ZBTB8OS: variants seen among roughly 807,000 people sequenced by gnomAD.
ZBTB8OS encodes tRNA splicing ligase complex subunit 1.
A neutral mutation model predicts 29.3 loss-of-function variants in ZBTB8OS; 16 were observed. The observed-to-expected ratio is 0.55, with a 90% CI of 0.37 to 0.83. The LOEUF is 0.83. ZBTB8OS is among the 40% of genes least tolerant of loss of function. The pLI is 0.00. For synonymous variants in ZBTB8OS, 70 were observed against 64.6 expected (o/e 1.08, Z -0.40); for missense variants, 160 against 196.9 (o/e 0.81, Z 1.12).
Position 32,631,953 on chromosome 1 carries a change from T to G in ZBTB8OS, c.328-74A>C, listed in dbSNP as rs1018729557. ...ATCTACTAAAAATCTTTTTGTTCTG[T>G]TTTGTTTTTTTGGACCATCTACTAA... On this transcript the variant is annotated intron_variant, in intron 4 of 6. Transcript: ENST00000468695. 3 of 837,558 alleles carry G rather than the reference T, an allele frequency of 3.6e-6. No individual in the cohort carries two copies. The African/African-American group carries it at 5.4e-5, about 15-fold the overall frequency. The allele number at this position is 837,558 out of a possible 1,614,324, so 51.9% of individuals were successfully genotyped here.
At chr1:32,626,505 A>G (rs1437446441) in intron 6 of ZBTB8OS, among the ~76,000 whole-genome samples, 2 of 152,172 alleles carry the variant, frequency 1.3e-5, no homozygotes, top group East Asian at 3.9e-4. Flanking sequence ...CTCTTTTTGT[A>G]CAGTCCCATA....
intron 5 of ZBTB8OS, 175 bp from the exon 6 acceptor site, chr1:32,627,719 G>T: frequency 1.6e-6 from 1 of 613,896 alleles, no homozygotes; most frequent in Non-Finnish European, 2.9e-6. Context: ...GGACGTGTGT[G>T]CAGTGTCATC....
At chr1:32,626,167 C>T (rs995918311) in intron 6 of ZBTB8OS, among the ~76,000 whole-genome samples, 5 of 152,106 alleles carry the variant, frequency 3.3e-5, no homozygotes, top group Non-Finnish European at 7.3e-5. Flanking sequence ...ACCACCACGC[C>T]GGGCCTATAA....
chr1:32,646,649 T>A (rs972927873), intron 1 of ZBTB8OS, among the ~76,000 whole-genome samples: 1 of 151,610 alleles, frequency 6.6e-6, no homozygotes, highest in Non-Finnish European at 1.5e-5. Context: ...AAAGTTCTAT[T>A]TTCAAATGTA....
intron 3 of ZBTB8OS, 51 bp from the exon 4 acceptor site, chr1:32,633,778 C>T (rs1169646743): frequency 6.6e-7 from 1 of 1,507,646 alleles, no homozygotes; most frequent in Non-Finnish European, 9.0e-7. Context: ...TAAAAACATA[C>T]TTGAATTTAA....
chr1:32,633,445 C>T (rs926035262), intron 4 of ZBTB8OS, 200 bp downstream of exon 4: 2 of 514,078 alleles, frequency 3.9e-6, no homozygotes, highest in Non-Finnish European at 7.0e-6. Flanking sequence ...TACATGAGAT[C>T]TAAATACGAA....
intron 1 of ZBTB8OS, 75 bp from the exon 2 acceptor site, chr1:32,634,867 T>A (rs1645836636): frequency 1.0e-6 from 1 of 989,670 alleles, no homozygotes; most frequent in South Asian, 1.3e-5. Flanking sequence ...ATAACTCTAG[T>A]CCATTATTAT....
chr1:32,645,428 G>A (rs967293007), intron 1 of ZBTB8OS, among the ~76,000 whole-genome samples: 11 of 152,152 alleles, frequency 7.2e-5, no homozygotes, highest in Non-Finnish European at 1.5e-4. Flanking sequence ...CTTGAGCCTA[G>A]GAGCTCAAGC....
In ZBTB8OS at chr1:32,621,838, A is replaced by C; in HGVS notation, c.*24T>G. On this transcript the variant is annotated 3_prime_UTR_variant, in exon 7 of 7. Transcript: ENST00000468695. ...GAGGAAAACAAAAACAGTTCTTCGT[A>C]GGAGTCTTTTATTTTTTGGTGTCTT... 1 of 1,494,442 alleles carries C rather than the reference A, an allele frequency of 6.7e-7. No homozygotes were observed. The highest frequency in any genetic ancestry group is 9.1e-7 in the Non-Finnish European group (1 of 1,096,022). 92.6% of individuals were successfully genotyped at this position (1,494,442 alleles called of 1,614,324 possible).
intron 1 of ZBTB8OS, among the ~76,000 whole-genome samples, chr1:32,645,516 G>A (rs1197806163): frequency 6.6e-6 from 1 of 152,110 alleles, no homozygotes; most frequent in Non-Finnish European, 1.5e-5. Context: ...ACAGTTTGGT[G>A]CTGCTGTCTC....
intron 1 of ZBTB8OS, among the ~76,000 whole-genome samples, chr1:32,640,266 A>AT (rs1646298191): frequency 6.6e-6 from 1 of 151,602 alleles, no homozygotes; most frequent in Admixed American, 6.6e-5. Context: ...CTGGCTAATT[A>AT]TTTTTTTGTA....
intron 5 of ZBTB8OS, 47 bp from the exon 6 acceptor site, chr1:32,627,591 T>C (rs1306270376): frequency 1.9e-6 from 3 of 1,581,782 alleles, no homozygotes; most frequent in Admixed American, 3.4e-5. Context: ...TCTCTCTTTA[T>C]ATGTTTTAAA....
Position 32,643,922 on chromosome 1 carries a change from C to A in ZBTB8OS, c.97+6511G>T, listed in dbSNP as rs149828055. Among the ~76,000 whole-genome samples, 198 of 151,714 alleles carry A rather than the reference C, an allele frequency of 1.3e-3. 2 individuals carry two copies. In the East Asian group the frequency reaches 0.028, roughly 22 times the overall value. On this transcript the variant is annotated intron_variant, in intron 1 of 6. Coordinates refer to ENST00000468695, the MANE Select transcript of ZBTB8OS (RefSeq NM_178547.5). ...CCACCTTGGCCTTGTTGTACCCAAG[C>A]GAGTTAGAAAAACGCCACACTTTGA... is the stretch of plus-strand genomic sequence containing the variant.
At chr1:32,650,035 A>T (rs1490201723) in intron 1 of ZBTB8OS, among the ~76,000 whole-genome samples, 1 of 152,186 alleles carries the variant, frequency 6.6e-6, no homozygotes, top group African/African-American at 2.4e-5. Context: ...GATCGAGGTG[A>T]AACATCAAGT....
Position 32,650,482 on chromosome 1 carries a change from TTCTTCAGTCAAATTGTAA to T in ZBTB8OS, c.30_47del (p.Asp10_Glu15del). The T allele has an allele frequency of 3.1e-6, 5 of 1,614,156 alleles. No individual in the cohort carries two copies. Among genetic ancestry groups the T allele is most frequent in the Non-Finnish European group, 4.2e-6 (5 of 1,180,020 alleles). On this transcript the variant is annotated inframe_deletion, in exon 1 of 7. Transcript: ENST00000468695. ...GATACTTGGCCTTGATCGCCTTCTG[TTCTTCAGTCAAATTGTAA>T]TCTCTAACATCTTCCTCTTCCTGCG...
chr1:32,646,457 G>C (rs1187231061), intron 1 of ZBTB8OS, among the ~76,000 whole-genome samples: 2 of 150,796 alleles, frequency 1.3e-5, no homozygotes, highest in South Asian at 2.1e-4. Context: ...GTGCAATCTC[G>C]GCTCACTGCA....
At chr1:32,636,189 C>T (rs956338903) in intron 1 of ZBTB8OS, among the ~76,000 whole-genome samples, 3 of 152,126 alleles carry the variant, frequency 2.0e-5, no homozygotes, top group Non-Finnish European at 4.4e-5. Context: ...CAGTAGTATC[C>T]ACTTCCCAAG....
chr1:32,639,905 G>A (rs1208186508), intron 1 of ZBTB8OS: 4 of 152,156 alleles, frequency 2.6e-5, no homozygotes, highest in Non-Finnish European at 4.4e-5. Flanking sequence ...TATGCAGAAG[G>A]AAAATACAGG....
chr1:32,637,458 C>T (rs1457500020), intron 1 of ZBTB8OS, among the ~76,000 whole-genome samples: 3 of 151,754 alleles, frequency 2.0e-5, no homozygotes, highest in Non-Finnish European at 4.4e-5. Flanking sequence ...GTCCCAGCTA[C>T]TCCGGAAGCT....
Sources: allele counts gnomAD v4.1 joint callset (sites outside exome capture counted in the v4.1 genomes callset), GRCh38; gene constraint gnomAD v4.1.1; transcripts MANE v1.5; gene names NCBI Gene and HGNC (gene_info 2026-07-23, HGNC 2026-07-21).